Variants in HORMAD2 observed in about 807,000 individuals in gnomAD.
HORMAD2 encodes HORMA domain-containing protein 2.
A neutral mutation model predicts 38.8 loss-of-function variants in HORMAD2; 45 were observed. The ratio of observed to expected loss-of-function variants is 1.16; its 90% CI spans 0.91 to 1.49. The LOEUF is 1.49. Among genes scored for constraint, HORMAD2 ranks in the 40% most tolerant of loss-of-function variants. HORMAD2 has a pLI of 0.00. For synonymous variants in HORMAD2, 126 were observed against 122.8 expected, an observed-to-expected ratio of 1.03 and a Z score of -0.17; for missense variants, 338 against 367.0, an observed-to-expected ratio of 0.92 and a Z score of 0.65.
intron 5 of HORMAD2, among the ~76,000 whole-genome samples, chr22:30,105,743 T>A (rs536936142): frequency 8.5e-5 from 13 of 152,236 alleles, no homozygotes; most frequent in Non-Finnish European, 1.5e-4. Flanking sequence ...CTGACTCAGC[T>A]GTATCTGCTC....
intron 10 of HORMAD2, among the ~76,000 whole-genome samples, chr22:30,163,268 T>C (rs890291156): frequency 6.6e-6 from 1 of 152,158 alleles, no homozygotes; most frequent in African/African-American, 2.4e-5. Context: ...TGTGCATATA[T>C]GGGAGCATTT....
intron 10 of HORMAD2, among the ~76,000 whole-genome samples, chr22:30,169,037 C>T (rs552816924): frequency 6.6e-6 from 1 of 152,134 alleles, no homozygotes; most frequent in Non-Finnish European, 1.5e-5. Flanking sequence ...GCTTTATATC[C>T]CTGTACCTGT....
At chr22:30,096,847 C>T (rs2068791286) in intron 2 of HORMAD2, among the ~76,000 whole-genome samples, 1 of 151,988 alleles carries the variant, frequency 6.6e-6, no homozygotes, top group Admixed American at 6.6e-5. Context: ...TGGGTATGCT[C>T]TTTTATTGTC....
chr22:30,152,523 G>A (rs149016948), intron 10 of HORMAD2, among the ~76,000 whole-genome samples: 21 of 151,264 alleles, frequency 1.4e-4, no homozygotes, highest in African/African-American at 4.9e-4. Context: ...TAGAGACTAG[G>A]CCTTGTTATG....
intron 10 of HORMAD2, among the ~76,000 whole-genome samples, chr22:30,135,983 A>C (rs997169090): frequency 1.3e-5 from 2 of 152,204 alleles, no homozygotes; most frequent in African/African-American, 2.4e-5. Context: ...CAAGCCCAGA[A>C]ATTTCAGCAA....
chr22:30,146,840 C>T (rs1924450297), intron 10 of HORMAD2, among the ~76,000 whole-genome samples: 1 of 152,092 alleles, frequency 6.6e-6, no homozygotes, highest in Non-Finnish European at 1.5e-5. Flanking sequence ...ATATATAATA[C>T]ATGAATTTAT....
intron 10 of HORMAD2, among the ~76,000 whole-genome samples, chr22:30,141,873 G>A (rs571355192): frequency 6.6e-6 from 1 of 152,300 alleles, no homozygotes; most frequent in South Asian, 2.1e-4. Context: ...GAGATTACAA[G>A]TGTGAGCCAC....
intron 10 of HORMAD2, among the ~76,000 whole-genome samples, chr22:30,140,596 T>C (rs1462077267): frequency 6.6e-6 from 1 of 152,226 alleles, no homozygotes; most frequent in Non-Finnish European, 1.5e-5. Context: ...TATTCTGTTA[T>C]AATGCTTTTT....
In HORMAD2 at chr22:30,119,000, G is replaced by A; in HGVS notation, c.363G>A (p.Gln121=). The A allele has an allele frequency of 6.3e-7, 1 of 1,589,324 alleles. No homozygotes were observed. The highest frequency in any genetic ancestry group is 8.6e-7 in the Non-Finnish European group (1 of 1,166,896). ...TGTAGAAGGTGACTGAGATGTACCA[G>A]TTCAAATTCAAATACACGAAAGAAG... ...MGSEKVTEMY[Q]FKFKYTKEGA... Residue 121 remains glutamine, a synonymous_variant, in exon 8 of 11, where the codon CAG becomes CAA. Transcript: ENST00000336726.
At chr22:30,097,770 T>C (rs373823347) in intron 2 of HORMAD2, among the ~76,000 whole-genome samples, 42 of 152,308 alleles carry the variant, frequency 2.8e-4, no homozygotes, top group African/African-American at 9.6e-4. Context: ...AGTATCATGA[T>C]AAGATTTGTA....
chr22:30,146,362 G>T (rs1279467186), intron 10 of HORMAD2, among the ~76,000 whole-genome samples: 1 of 152,166 alleles, frequency 6.6e-6, no homozygotes, highest in African/African-American at 2.4e-5. Context: ...ATGCCTGGGG[G>T]CGCGTGCCTA....
chr22:30,149,160 A>G (rs4823077), intron 10 of HORMAD2, among the ~76,000 whole-genome samples: 83,303 of 151,980 alleles, frequency 0.55, 23,764 homozygotes, highest in African/African-American at 0.7. Flanking sequence ...TTGAGTTGTC[A>G]TAAGCCATGA....
chr22:30,092,385 C>T, intron 1 of HORMAD2, among the ~76,000 whole-genome samples: 2 of 101,164 alleles, frequency 2.0e-5, no homozygotes, highest in Middle Eastern at 6.5e-3. Context: ...GCTTGCACTT[C>T]TTGTATATTC....
rs549030001 is a variant in HORMAD2, at chr22:30,134,348, G to A, written c.819+12134G>A. On this transcript the variant is annotated intron_variant, in intron 10 of 10. Transcript: ENST00000336726. ...CGGGAGGCGAAGGTTGCAGTGAGCC[G>A]AGATCACACCATTGCACTCCAGCAT... Among the ~76,000 whole-genome samples, 27 of 145,652 alleles carry A rather than the reference G, an allele frequency of 1.9e-4. No homozygotes were observed. In the East Asian group the frequency reaches 2.4e-3, roughly 13 times the overall value.
chr22:30,127,660 A>G (rs1220180633), intron 10 of HORMAD2, among the ~76,000 whole-genome samples: 3 of 152,022 alleles, frequency 2.0e-5, no homozygotes, highest in Non-Finnish European at 4.4e-5. Context: ...GTCTTTTTCT[A>G]TTTCTCTGGT....
chr22:30,121,961 C>G lies in HORMAD2; in HGVS notation c.569-3C>G. On this transcript the variant is annotated splice_polypyrimidine_tract_variant and splice_region_variant and intron_variant, in intron 9 of 10. Coordinates refer to ENST00000336726, the MANE Select transcript of HORMAD2 (RefSeq NM_152510.4). ...ATGGCTTTTTGCCCTTTTCATTTCG[C>G]AGTGACCCCACATGATTACCAACCC... is the stretch of plus-strand genomic sequence containing the variant. 6.2e-7 allele frequency: 1 copy of G among 1,608,284 alleles called. No individual in the cohort carries two copies. Among genetic ancestry groups the G allele is most frequent in the Non-Finnish European group, 8.5e-7 (1 of 1,177,120 alleles).
chr22:30,147,197 T>C (rs1924469873), intron 10 of HORMAD2, among the ~76,000 whole-genome samples: 2 of 152,136 alleles, frequency 1.3e-5, no homozygotes, highest in African/African-American at 4.8e-5. Flanking sequence ...GGAAATGGAA[T>C]GAAACTAGAA....
chr22:30,143,058 C>T (rs1301485659), intron 10 of HORMAD2, among the ~76,000 whole-genome samples: 1 of 152,062 alleles, frequency 6.6e-6, no homozygotes, highest in Non-Finnish European at 1.5e-5. Flanking sequence ...TATTTCCTTG[C>T]CCAAACAGCT....
intron 1 of HORMAD2, among the ~76,000 whole-genome samples, chr22:30,088,442 A>G (rs2068625017): frequency 6.6e-6 from 1 of 151,518 alleles, no homozygotes; most frequent in South Asian, 2.1e-4. Flanking sequence ...CAATGGTAAT[A>G]TTAATTTAAT....
Sources: allele counts gnomAD v4.1 joint callset (sites outside exome capture counted in the v4.1 genomes callset), GRCh38; gene constraint gnomAD v4.1.1; transcripts MANE v1.5; gene names NCBI Gene and HGNC (gene_info 2026-07-23, HGNC 2026-07-21).